The following NSD2 variants were observed in gnomAD, a reference collection of about 807,000 sequenced individuals.
NSD2 encodes histone-lysine N-methyltransferase NSD2.
A neutral mutation model predicts 139.0 loss-of-function variants in NSD2; 12 were observed. The observed-to-expected ratio is 0.09, with a 90% CI of 0.06 to 0.14. The LOEUF (loss-of-function observed/expected upper bound fraction) is 0.14, where lower values mean the gene tolerates loss of function less well. Ranked by LOEUF, NSD2 falls within the 10% of genes least tolerant of loss-of-function variation. The pLI, the probability that NSD2 is intolerant of heterozygous loss-of-function variation, is 1.00. For synonymous variants in NSD2, 669 were observed against 648.7 expected, an observed-to-expected ratio of 1.03 and a Z score of -0.48; for missense variants, 1,155 against 1,745.0, an observed-to-expected ratio of 0.66 and a Z score of 6.02.
At chr4:1,966,425 G>A (rs1577563018) in intron 18 of NSD2, among the ~76,000 whole-genome samples, 1 of 152,314 alleles carries the variant, frequency 6.6e-6, no homozygotes, top group East Asian at 1.9e-4. Context: ...GGGAGGCTGA[G>A]ATGGGTGGAT....
At chr4:1,934,576 G>A (rs555323581) in intron 6 of NSD2, among the ~76,000 whole-genome samples, 6 of 150,558 alleles carry the variant, frequency 4.0e-5, no homozygotes, top group East Asian at 2.0e-4. Flanking sequence ...AAGGCCAGGC[G>A]CGGTGGCTCA....
rs34335852 is a variant in NSD2 at position 1,925,389 on chromosome 4, C to CT, written c.1411-5210dup. Among the ~76,000 whole-genome samples the CT allele has an allele frequency of 4.8e-3, 184 of 38,014 alleles. 11 individuals are homozygous for CT. The highest frequency in any genetic ancestry group is 0.014 in the African/African-American group (117 of 8,544). 24.9% of individuals were successfully genotyped at this position (38,014 alleles called of 152,430 possible). A position where few individuals can be genotyped will look rare whatever the true frequency, so the allele number is the denominator to read the frequency against. On this transcript the variant is annotated intron_variant, in intron 5 of 21. Transcript: ENST00000508803. ...TTTAGAGGTCATTTTCTTTTTCTTT[C>CT]TTTTTTTTTTTTTTTTTTTTTTTTT...
chr4:1,899,230 T>TTTC (rs1160845464), intron 1 of NSD2: 1 of 152,212 alleles, frequency 6.6e-6, no homozygotes, highest in East Asian at 1.9e-4. Context: ...GCTGTCTGCT[T>TTTC]TTCTGTGGAG....
intron 18 of NSD2, among the ~76,000 whole-genome samples, chr4:1,963,255 G>C (rs889582109): frequency 2.0e-5 from 3 of 152,226 alleles, no homozygotes; most frequent in African/African-American, 7.2e-5. Context: ...GGACCATGGC[G>C]TGTAGAGCAG....
Position 1,981,819 on chromosome 4 carries a change from T to A in NSD2, c.*2910T>A. The A allele has an allele frequency of 2.5e-6, 1 of 398,568 alleles. No individual in the cohort carries two copies. The highest frequency in any genetic ancestry group is 4.4e-6 in the Non-Finnish European group (1 of 226,060). 24.7% of individuals were successfully genotyped at this position (398,568 alleles called of 1,614,324 possible). On this transcript the variant is annotated 3_prime_UTR_variant, in exon 22 of 22. Transcript: ENST00000508803. ...GCAAATGACTGTCAGTTGCCAAATA[T>A]CTTGATCCTATGAGTGTAGTTGATG...
intron 9 of NSD2, 22 bp downstream of exon 9, chr4:1,939,800 T>C (rs764690024): frequency 3.7e-6 from 6 of 1,614,138 alleles, no homozygotes; most frequent in Non-Finnish European, 5.1e-6. Context: ...ATAATAACGA[T>C]AACCATGGCA....
At chr4:1,933,689 C>G (rs556378538) in intron 6 of NSD2, among the ~76,000 whole-genome samples, 1 of 152,122 alleles carries the variant, frequency 6.6e-6, no homozygotes, top group Non-Finnish European at 1.5e-5. Context: ...CCACCGCGCC[C>G]GGCCCTGCAA....
chr4:1,948,648 T>G lies in NSD2; in HGVS notation c.1882-2424T>G, dbSNP rs967450966. On this transcript the variant is annotated intron_variant, in intron 9 of 21. Transcript: ENST00000508803. The surrounding 1 kb of genome is among the most constrained non-coding windows in gnomAD (Gnocchi z 4.5). ...TCTGTATGTGGGTCCCAGACCCTGA[T>G]CAGGAAATGAGCCTCATGTGTGTCG... 2.8e-6 allele frequency: 3 copies of G among 1,060,972 alleles called. No homozygotes were observed. Among genetic ancestry groups the G allele is most frequent in the African/African-American group, 3.3e-5 (2 of 60,696 alleles). 65.7% of individuals were successfully genotyped at this position (1,060,972 alleles called of 1,614,324 possible). A position where few individuals can be genotyped will look rare whatever the true frequency, so the allele number is the denominator to read the frequency against.
chr4:1,886,613 C>A (rs1715132356), intron 1 of NSD2, among the ~76,000 whole-genome samples: 1 of 152,134 alleles, frequency 6.6e-6, no homozygotes, highest in Non-Finnish European at 1.5e-5. Context: ...GGGCAGATCA[C>A]AAGGTCAGGA....
At chr4:1,880,457 A>G (rs1175308385) in intron 1 of NSD2, among the ~76,000 whole-genome samples, 1 of 152,188 alleles carries the variant, frequency 6.6e-6, no homozygotes, top group Non-Finnish European at 1.5e-5. Flanking sequence ...CTTCTGCCTG[A>G]TATTTCTTCA....
Position 1,945,977 on chromosome 4 carries a change from C to T in NSD2, c.1882-5095C>T, listed in dbSNP as rs535872405. The T allele has an allele frequency of 5.7e-6, 6 of 1,049,556 alleles. No homozygotes were observed. In the East Asian group the frequency reaches 2.2e-4, roughly 38 times the overall value. The allele number at this position is 1,049,556 out of a possible 1,614,324, so 65.0% of individuals were successfully genotyped here. On this transcript the variant is annotated intron_variant, in intron 9 of 21. Coordinates refer to ENST00000508803, the MANE Select transcript of NSD2 (RefSeq NM_001042424.3). ...TCAAAGCTTCCTCTGGCCAGGTAGA[C>T]TTTTGTATACAGACCAGGTGAGAGC...
intron 1 of NSD2, among the ~76,000 whole-genome samples, chr4:1,890,123 TTATC>T (rs983640052): frequency 1.3e-5 from 2 of 152,204 alleles, no homozygotes; most frequent in Non-Finnish European, 2.9e-5. Context: ...AGCATCATGT[TTATC>T]TATGTTGTAG....
intron 5 of NSD2, among the ~76,000 whole-genome samples, chr4:1,923,789 A>G (rs1349725109): frequency 6.6e-6 from 1 of 152,246 alleles, no homozygotes; most frequent in Admixed American, 6.5e-5. Context: ...ACCCAGTGAC[A>G]GACTATGGTA....
In NSD2 at chr4:1,942,474, A is replaced by G. The variant is rs1206389352; in HGVS notation, c.1881+2696A>G. On this transcript the variant is annotated intron_variant, in intron 9 of 21. Transcript: ENST00000508803. The surrounding 1 kb of genome is among the most constrained non-coding windows in gnomAD (Gnocchi z 4.0). ...CACACTCAGTGACATTTCTATCACA[A>G]TCATTTTATGGAAGATGTGTGATAA... 3 of 1,546,990 alleles carry G rather than the reference A, an allele frequency of 1.9e-6. No individual in the cohort carries two copies. In the Admixed American group the frequency reaches 6.2e-5, roughly 32 times the overall value.
intron 3 of NSD2, among the ~76,000 whole-genome samples, chr4:1,914,703 C>A (rs1225621181): frequency 6.6e-6 from 1 of 152,110 alleles, no homozygotes; most frequent in Non-Finnish European, 1.5e-5. Context: ...AGAAGAATTC[C>A]CCTAGGAATT....
chr4:1,875,283 T>TA (rs1189306825), intron 1 of NSD2, among the ~76,000 whole-genome samples: 1 of 147,580 alleles, frequency 6.8e-6, no homozygotes, highest in African/African-American at 2.6e-5. Context: ...CTTTTTACTT[T>TA]TTTTTTTTTT....
chr4:1,957,133 C>A (rs1724899913), intron 15 of NSD2, among the ~76,000 whole-genome samples: 1 of 152,168 alleles, frequency 6.6e-6, no homozygotes, highest in African/African-American at 2.4e-5. Context: ...ACAGGGCAGA[C>A]CACAGGACAC....
intron 1 of NSD2, among the ~76,000 whole-genome samples, chr4:1,878,339 C>G (rs974244910): frequency 7.1e-6 from 1 of 141,212 alleles, no homozygotes; most frequent in African/African-American, 2.6e-5. Flanking sequence ...AACTCCTGAC[C>G]TCAAGTGATC....
rs1727094429 is a variant in NSD2 at position 1,976,503 on chromosome 4, A to G, written c.3650A>G (p.Lys1217Arg). The G allele has an allele frequency of 6.2e-7, 1 of 1,613,574 alleles. No homozygotes were observed. Among genetic ancestry groups the G allele is most frequent in the Non-Finnish European group, 8.5e-7 (1 of 1,179,862 alleles). ...TCGACGACCCTTTCATCAGAGGAAAAGGGCAAAAAGACCAAGAAGAAAACG... is the reference window on the plus strand; with the variant it reads ...TCGACGACCCTTTCATCAGAGGAAAGGGGCAAAAAGACCAAGAAGAAAACG... ...KTSTTLSSEE[K>R]GKKTKKKTRR... The change falls in exon 21 of 22, where the codon AAG becomes AGG. Residue 1217 changes from lysine to arginine, a missense_variant. Physicochemically the swap from Lys to Arg is conservative, Grantham distance 26. Around this residue, in one of 8 missense-constraint regions of NSD2, gnomAD observed 39 missense variants for 43.5 expected, o/e 0.90. Coordinates refer to ENST00000508803, the MANE Select transcript of NSD2 (RefSeq NM_001042424.3). The surrounding 1 kb of genome is among the most constrained non-coding windows in gnomAD (Gnocchi z 5.3).
Sources: gnomAD v4.1 joint callset for allele counts (sites outside exome capture counted in the v4.1 genomes callset) on GRCh38, gnomAD v4.1.1 for gene constraint, gnomAD v4.1.1 regional missense constraint, Gnocchi (gnomAD v3.1) non-coding constraint, MANE v1.5 for transcripts, NCBI Gene and HGNC (gene_info 2026-07-23, HGNC 2026-07-21) for gene names.